The following DNTTIP2 variants were observed in gnomAD, a reference collection of about 807,000 sequenced individuals.
DNTTIP2 encodes the protein deoxynucleotidyltransferase terminal-interacting protein 2.
A neutral mutation model predicts 62.4 loss-of-function variants in DNTTIP2; 47 were observed. The observed-to-expected ratio is 0.75, with a 90% CI of 0.60 to 0.96. The LOEUF is 0.96. DNTTIP2 is among the 40% of genes least tolerant of loss of function. The probability of loss-of-function intolerance (pLI) is 0.00; values close to 1 mark genes in which losing one functional copy is unlikely to be tolerated. For synonymous variants in DNTTIP2, 322 were observed against 300.9 expected (o/e 1.07, Z -0.73); for missense variants, 870 against 849.1 (o/e 1.02, Z -0.31).
Position 93,876,544 on chromosome 1 carries a change from CAT to C in DNTTIP2, c.1389_1390del (p.Cys464PhefsTer3), listed in dbSNP as rs774905601. ...CCTTTGGCCACTATTTTCAACAAAA[CAT>C]AAAGTATCCTCTTCATTCTCACTGT... On this transcript the variant is annotated frameshift_variant, in exon 2 of 7. Transcript: ENST00000436063. LOFTEE classifies it high-confidence loss of function. 36 of 1,614,026 alleles carry C rather than the reference CAT, an allele frequency of 2.2e-5. No individual in the cohort carries two copies. The highest frequency in any genetic ancestry group is 3.0e-5 in the Non-Finnish European group (35 of 1,179,902).
chr1:93,876,597 G>A lies in DNTTIP2; in HGVS notation c.1338C>T (p.Ser446=). The A allele has an allele frequency of 3.1e-6, 5 of 1,613,962 alleles. No individual in the cohort carries two copies. The highest frequency in any genetic ancestry group is 4.2e-6 in the Non-Finnish European group (5 of 1,179,878). ...GKDNSVLLVL[S]SDESQQSENS... Reference sequence around the variant, plus strand: ...TTTCAGACTGTTGGCTTTCATCACTGCTGAGAACTAGTAAGACAGAATTAT... The same window carrying A: ...TTTCAGACTGTTGGCTTTCATCACTACTGAGAACTAGTAAGACAGAATTAT... The change falls in exon 2 of 7, where the codon AGC becomes AGT. Residue 446 remains serine, a synonymous_variant. Coordinates refer to ENST00000436063, the MANE Select transcript of DNTTIP2 (RefSeq NM_014597.5).
chr1:93,871,933 G>T, intron 5 of DNTTIP2, 139 bp downstream of exon 5: 1 of 907,096 alleles, frequency 1.1e-6, no homozygotes, highest in Non-Finnish European at 1.7e-6. Context: ...ATTCTTATAT[G>T]GCCTATGCAG....
At position 93,877,620 on chromosome 1, in the gene DNTTIP2, C is replaced by T. The variant is rs1329131782; in HGVS notation, c.315G>A (p.Arg105=). ...TTAAGATCTGCCTTCTCCTAGTTAC[C>T]CTTAAAATGGTATCATGGTGCTCAG... ...SVSEHHDTIL[R]VTRRRQILIA... Residue 105 remains arginine (R), a synonymous_variant, in exon 2 of 7, where the codon AGG becomes AGA. Transcript: ENST00000436063. 59 of 1,613,832 alleles carry T rather than the reference C, an allele frequency of 3.7e-5. No homozygotes were observed. Among genetic ancestry groups the T allele is most frequent in the Non-Finnish European group, 5.0e-5 (59 of 1,179,884 alleles).
Position 93,878,009 on chromosome 1 carries a change from TA to T in DNTTIP2, c.73-148del, listed in dbSNP as rs1320083619. ...AAAAACCTGCCCAACTCATGATTTT[TA>T]AAAAATCAAAATTTGGCCGGGCGCG... On this transcript the variant is annotated intron_variant, in intron 1 of 6. Coordinates refer to ENST00000436063, the MANE Select transcript of DNTTIP2 (RefSeq NM_014597.5). The T allele has an allele frequency of 2.3e-6, 3 of 1,294,602 alleles. No individual in the cohort carries two copies. In the South Asian group the frequency reaches 4.9e-5, roughly 21 times the overall value. The allele number at this position is 1,294,602 out of a possible 1,614,324, so 80.2% of individuals were successfully genotyped here.
chr1:93,876,754 C>CA lies in DNTTIP2; in HGVS notation c.1180dup (p.Cys394LeufsTer4), dbSNP rs1656019081. ...CTCTTCTTCATCATCACTACCACCA[C>CA]AATCACCAAACTTTGTCAAGTCACT... On this transcript the variant is annotated frameshift_variant, in exon 2 of 7. Coordinates refer to ENST00000436063, the MANE Select transcript of DNTTIP2 (RefSeq NM_014597.5). LOFTEE classifies it high-confidence loss of function. 1 of 1,613,900 alleles carries CA rather than the reference C, an allele frequency of 6.2e-7. No individual in the cohort carries two copies. The highest frequency in any genetic ancestry group is 8.5e-7 in the Non-Finnish European group (1 of 1,179,890).
At chr1:93,871,331 G>A (rs1655857537) in intron 5 of DNTTIP2, among the ~76,000 whole-genome samples, 1 of 152,158 alleles carries the variant, frequency 6.6e-6, no homozygotes, top group South Asian at 2.1e-4. Context: ...TCCACAAAAA[G>A]TAACTAAAAT....
intron 5 of DNTTIP2, 51 bp from the exon 6 acceptor site, chr1:93,870,843 C>A: frequency 2.1e-6 from 2 of 932,734 alleles, no homozygotes; most frequent in Non-Finnish European, 1.6e-6. Flanking sequence ...AAGATGCTTT[C>A]ATACTTCAGT....
rs753581111 is a variant in DNTTIP2, at chr1:93,866,951, C to T, written c.*2900G>A. 4 of 151,482 alleles carry T rather than the reference C, an allele frequency of 2.6e-5. No individual in the cohort carries two copies. Among genetic ancestry groups the T allele is most frequent in the Non-Finnish European group, 5.9e-5 (4 of 67,886 alleles). The allele number at this position is 151,482 out of a possible 1,614,324, so 9.4% of individuals were successfully genotyped here. A position where few individuals can be genotyped will look rare whatever the true frequency, so the allele number is the denominator to read the frequency against. ...CTGAGGTCAGAAGTTCAAGACCAGCCTGGCCAACATGGTGAAACCCCGTCT... is the reference window on the plus strand; with the variant it reads ...CTGAGGTCAGAAGTTCAAGACCAGCTTGGCCAACATGGTGAAACCCCGTCT... On this transcript the variant is annotated 3_prime_UTR_variant, in exon 7 of 7. Coordinates refer to ENST00000436063, the MANE Select transcript of DNTTIP2 (RefSeq NM_014597.5).
intron 1 of DNTTIP2, chr1:93,878,438 T>C (rs1180436129): frequency 1.3e-5 from 2 of 154,908 alleles, no homozygotes; most frequent in African/African-American, 4.8e-5. Context: ...TCAAATATAA[T>C]GGGTAGACCA....
chr1:93,869,991 G>T, intron 6 of DNTTIP2, 47 bp from the exon 7 acceptor site: 1 of 755,398 alleles, frequency 1.3e-6, no homozygotes. Context: ...TCAGACATTA[G>T]AAGTTAATAT....
At chr1:93,870,484 C>T (rs1448271561) in intron 6 of DNTTIP2, among the ~76,000 whole-genome samples, 199 bp downstream of exon 6, 1 of 152,032 alleles carries the variant, frequency 6.6e-6, no homozygotes, top group Non-Finnish European at 1.5e-5. Flanking sequence ...TCTGCAGAAG[C>T]AGGTATGAGC....
rs757229733 is a variant in DNTTIP2 at position 93,869,936 on chromosome 1, C to T, written c.2186G>A (p.Arg729Gln). 6.9e-5 allele frequency: 54 copies of T among 777,848 alleles called. No homozygotes were observed. Among genetic ancestry groups the T allele is most frequent in the African/African-American group, 2.0e-4 (12 of 59,000 alleles). The allele number at this position is 777,848 out of a possible 1,614,324, so 48.2% of individuals were successfully genotyped here. A position where few individuals can be genotyped will look rare whatever the true frequency, so the allele number is the denominator to read the frequency against. ...AGCCATGATCTCTGAGTACTTCCTT[C>T]GGTTGTATCTGAAAAAGAAAAATCA... is the stretch of plus-strand genomic sequence containing the variant. Reference protein sequence around the residue: ...LADSEFRRYNRRKYSEIMAEK... With the variant: ...LADSEFRRYNQRKYSEIMAEK... Residue 729 changes from arginine to glutamine, a missense_variant, in exon 7 of 7, where the codon CGA becomes CAA. Coordinates refer to ENST00000436063, the MANE Select transcript of DNTTIP2 (RefSeq NM_014597.5).
rs1656031455 is a variant in DNTTIP2 at position 93,877,116 on chromosome 1, A to C, written c.819T>G (p.Ser273Arg). 1.2e-6 allele frequency: 2 copies of C among 1,611,630 alleles called. No individual in the cohort carries two copies. Among genetic ancestry groups the C allele is most frequent in the East Asian group, 4.5e-5 (2 of 44,872 alleles). ...NDFDDDFSHR[S>R]SENILTVHEQ... ...CGTGCACTGTTAATATATTTTCTGA[A>C]CTTCTGTGGGAGAAATCATCATCAA... Residue 273 changes from serine to arginine, a missense_variant, in exon 2 of 7, where the codon AGT becomes AGG. Physicochemically the swap from Ser to Arg is moderately radical, Grantham distance 110. Transcript: ENST00000436063.
At chr1:93,873,077 G>T in intron 4 of DNTTIP2, 42 bp downstream of exon 4, 1 of 1,393,972 alleles carries the variant, frequency 7.2e-7, no homozygotes. Flanking sequence ...AAAATATATA[G>T]CCAAACATAT....
rs1655985093 is a variant in DNTTIP2, at chr1:93,875,797, C to A, written c.1668-14G>T. ...GTCAACTTCAGACTGAAAAAGAAAT[C>A]ATCACTTAAAGATCAAGTAATTAAA... is the stretch of plus-strand genomic sequence containing the variant. On this transcript the variant is annotated splice_polypyrimidine_tract_variant and intron_variant, in intron 2 of 6. Coordinates refer to ENST00000436063, the MANE Select transcript of DNTTIP2 (RefSeq NM_014597.5). The A allele has an allele frequency of 6.2e-7, 1 of 1,600,958 alleles. No homozygotes were observed. The highest frequency in any genetic ancestry group is 8.5e-7 in the Non-Finnish European group (1 of 1,175,732).
At chr1:93,870,592 T>C in intron 6 of DNTTIP2, 91 bp downstream of exon 6, 2 of 618,594 alleles carry the variant, frequency 3.2e-6, no homozygotes, top group Non-Finnish European at 5.2e-6. Flanking sequence ...TTATTATAAA[T>C]GAGTTATTTT....
intron 3 of DNTTIP2, among the ~76,000 whole-genome samples, chr1:93,874,958 T>C (rs112422060): frequency 1.6e-4 from 25 of 152,300 alleles, no homozygotes; most frequent in African/African-American, 5.8e-4. Context: ...GAGAAATATC[T>C]TCCCCTAGAG....
In DNTTIP2 at chr1:93,872,227, G is replaced by T. The variant is rs199974888; in HGVS notation, c.1912C>A (p.Gln638Lys). Residue 638 changes from glutamine to lysine, a missense_variant, in exon 5 of 7, where the codon CAA becomes AAA. Transcript: ENST00000436063. ...AACCAGCCATCCCCTGCTGTTTTTT[G>T]TCGTTCTTTCTGAAATTATGATTTC... ...QLQKKRRKERQKTAGDGWFGM... is the reference protein window; with the variant it reads ...QLQKKRRKERKKTAGDGWFGM... 6.2e-7 allele frequency: 1 copy of T among 1,612,528 alleles called. No homozygotes were observed. Among genetic ancestry groups the T allele is most frequent in the Non-Finnish European group, 8.5e-7 (1 of 1,179,486 alleles).
Position 93,873,211 on chromosome 1 carries a change from G to A in DNTTIP2, c.1810C>T (p.Leu604=), listed in dbSNP as rs1655914416. 1.2e-6 allele frequency: 2 copies of A among 1,608,304 alleles called. No homozygotes were observed. The highest frequency in any genetic ancestry group is 1.7e-5 in the Admixed American group (1 of 59,652). Residue 604 remains leucine (L), a synonymous_variant, in exon 4 of 7, where the codon CTG becomes TTG. Transcript: ENST00000436063. ...QIKEKKKNEL[L]QKAVITPDFE... ...TCAGGTGTAATGACGGCTTTCTGCAGAAGCTATAAAAACATAAAATTGGTT... is the reference window on the plus strand; with the variant it reads ...TCAGGTGTAATGACGGCTTTCTGCAAAAGCTATAAAAACATAAAATTGGTT...
Sources: gnomAD v4.1 joint callset for allele counts (sites outside exome capture counted in the v4.1 genomes callset) on GRCh38, gnomAD v4.1.1 for gene constraint, MANE v1.5 for transcripts, NCBI Gene and HGNC (gene_info 2026-07-23, HGNC 2026-07-21) for gene names.